The following AFF3 variants were observed in gnomAD, a reference collection of about 807,000 sequenced individuals.
The protein encoded by AFF3 is ALF transcription elongation factor 3, also known as AF4/FMR2 family member 3.
AFF3 carries 32 observed loss-of-function variants against 129.7 expected under a neutral mutation model. The ratio of observed to expected loss-of-function variants is 0.25; its 90% confidence interval spans 0.19 to 0.33. The LOEUF is 0.33. AFF3 is among the 10% of genes least tolerant of loss of function. The probability of loss-of-function intolerance (pLI) is 1.00; values close to 1 mark genes in which losing one functional copy is unlikely to be tolerated. For synonymous variants in AFF3, 644 were observed against 635.4 expected, an observed-to-expected ratio of 1.01 and a Z score of -0.20; for missense variants, 1,373 against 1,592.0, an observed-to-expected ratio of 0.86 and a Z score of 2.34.
intron 7 of AFF3, among the ~76,000 whole-genome samples, chr2:99,879,313 C>A (rs1692523884): frequency 6.6e-6 from 1 of 152,180 alleles, no homozygotes; most frequent in African/African-American, 2.4e-5. Context: ...CATAGTATCA[C>A]ATCCATCTTC....
At chr2:99,863,948 A>G (rs547025149) in intron 7 of AFF3, among the ~76,000 whole-genome samples, 11 of 152,364 alleles carry the variant, frequency 7.2e-5, no homozygotes, top group African/African-American at 2.6e-4. Context: ...AGCCATCAGA[A>G]TATCAGGAAA....
intron 24 of AFF3, among the ~76,000 whole-genome samples, chr2:99,553,894 A>G (rs925788971): frequency 6.8e-6 from 1 of 147,114 alleles, no homozygotes; most frequent in Non-Finnish European, 1.5e-5. Flanking sequence ...CAGCCTGGCA[A>G]CAGAGCAAGA....
intron 2 of AFF3, among the ~76,000 whole-genome samples, chr2:100,119,333 A>G (rs1174413724): frequency 6.6e-6 from 1 of 152,144 alleles, no homozygotes; most frequent in African/African-American, 2.4e-5. Context: ...CCTGTTTTAC[A>G]TGTCTAGAGA....
chr2:99,612,215 A>G (rs986940022), intron 13 of AFF3, among the ~76,000 whole-genome samples: 1 of 152,182 alleles, frequency 6.6e-6, no homozygotes, highest in African/African-American at 2.4e-5. Context: ...ACAGGCAACC[A>G]CCCACTTGGT....
chr2:99,551,295 C>T lies in AFF3; in HGVS notation c.*179G>A. The T allele has an allele frequency of 2.4e-6, 2 of 818,300 alleles. No homozygotes were observed. Among genetic ancestry groups the T allele is most frequent in the South Asian group, 1.8e-5 (1 of 54,646 alleles). The allele number at this position is 818,300 out of a possible 1,614,324, so 50.7% of individuals were successfully genotyped here. A position where few individuals can be genotyped will look rare whatever the true frequency, so the allele number is the denominator to read the frequency against. On this transcript the variant is annotated 3_prime_UTR_variant, in exon 25 of 25. Transcript: ENST00000672756. ...GTATCTTACACACATACACAGGCGG[C>T]TTCTTATATACCCACACATACAAAC...
chr2:99,811,262 T>C (rs900510105), intron 8 of AFF3, among the ~76,000 whole-genome samples: 1 of 152,220 alleles, frequency 6.6e-6, no homozygotes. Flanking sequence ...GTGATAAGTA[T>C]GTAAAATATT....
At chr2:100,076,617 C>T (rs1458223703) in intron 4 of AFF3, among the ~76,000 whole-genome samples, 5 of 152,178 alleles carry the variant, frequency 3.3e-5, no homozygotes, top group Admixed American at 3.3e-4. Flanking sequence ...TCTGAGGACA[C>T]TGAGGTTGAC....
At chr2:99,750,214 T>C (rs1471575314) in intron 9 of AFF3, among the ~76,000 whole-genome samples, 1 of 152,030 alleles carries the variant, frequency 6.6e-6, no homozygotes, top group Admixed American at 6.6e-5. Context: ...TACAAATTAG[T>C]TTTTAAAAAG....
Position 99,567,539 on chromosome 2 carries a change from G to T in AFF3, c.2982+1313C>A, listed in dbSNP as rs560023338. Among the ~76,000 whole-genome samples, 20 of 152,278 alleles carry T rather than the reference G, an allele frequency of 1.3e-4. No homozygotes were observed. In the South Asian group the frequency reaches 3.3e-3, roughly 25 times the overall value. The stretch of plus-strand genomic sequence containing the variant: ...AGGAAAGTGAGCTAGTGATGGGGCC[G>T]CAGAGAGGCTGGGAAGGCCACAGGG... On this transcript the variant is annotated intron_variant, in intron 19 of 24. Coordinates refer to ENST00000672756, the MANE Select transcript of AFF3 (RefSeq NM_001386135.1).
intron 12 of AFF3, among the ~76,000 whole-genome samples, chr2:99,649,912 CG>C (rs201297787): frequency 0.035 from 5,326 of 152,114 alleles, 114 homozygotes; most frequent in Non-Finnish European, 0.043. Flanking sequence ...ATGAGTTTGT[CG>C]GGGGGGCAAA....
intron 12 of AFF3, among the ~76,000 whole-genome samples, chr2:99,659,139 A>T (rs1251965112): frequency 2.6e-5 from 4 of 152,348 alleles, no homozygotes; most frequent in East Asian, 3.9e-4. Flanking sequence ...AGGAGCGAAC[A>T]TCGCTGAAGA....
intron 7 of AFF3, among the ~76,000 whole-genome samples, chr2:99,845,932 A>T (rs1011047268): frequency 6.6e-6 from 1 of 152,072 alleles, no homozygotes; most frequent in Admixed American, 6.5e-5. Context: ...TCCTGGGTTC[A>T]CACCATTCTC....
At chr2:100,055,980 T>C (rs1391283964) in intron 4 of AFF3, among the ~76,000 whole-genome samples, 1 of 149,830 alleles carries the variant, frequency 6.7e-6, no homozygotes, top group Non-Finnish European at 1.5e-5. Flanking sequence ...AAGGTTACAA[T>C]GAGCTATGAT....
At position 99,587,202 on chromosome 2, in the gene AFF3, G is replaced by A. The variant is rs1320861166; in HGVS notation, c.2543C>T (p.Ser848Phe). The A allele has an allele frequency of 6.2e-7, 1 of 1,614,192 alleles. No homozygotes were observed. The highest frequency in any genetic ancestry group is 8.5e-7 in the Non-Finnish European group (1 of 1,180,036). ...EKDSSSRLAT[S>F]TSNTLSANHC... ...GTTTGCAGACAAAGTATTACTGGTG[G>A]AGGTGGCCAGTCTTGAAGAGCTGTC... The change falls in exon 16 of 25, where the codon TCC becomes TTC. Residue 848 changes from serine to phenylalanine, a missense_variant. Physicochemically the swap from Ser to Phe is radical, Grantham distance 155. Transcript: ENST00000672756.
intron 10 of AFF3, among the ~76,000 whole-genome samples, chr2:99,738,704 T>C (rs1383923814): frequency 6.6e-6 from 1 of 152,116 alleles, no homozygotes; most frequent in Non-Finnish European, 1.5e-5. Context: ...CTATCCTTTG[T>C]AGGGAAGAGC....
chr2:100,009,083 C>G, intron 4 of AFF3, 151 bp from the exon 5 acceptor site: 1 of 1,095,640 alleles, frequency 9.1e-7, no homozygotes, highest in Admixed American at 2.7e-5. Flanking sequence ...AGTCATCAGG[C>G]AGTGTGCTGG....
At chr2:100,103,425 T>G (rs1250155961) in intron 4 of AFF3, among the ~76,000 whole-genome samples, 1 of 149,722 alleles carries the variant, frequency 6.7e-6, no homozygotes, top group East Asian at 2.0e-4. Context: ...CCCGTAAATA[T>G]TAAACATAAC....
intron 11 of AFF3, among the ~76,000 whole-genome samples, chr2:99,679,915 G>C (rs958793682): frequency 6.6e-6 from 1 of 152,200 alleles, no homozygotes; most frequent in African/African-American, 2.4e-5. Context: ...AGAATGAGAT[G>C]ATCTGATACT....
intron 7 of AFF3, among the ~76,000 whole-genome samples, chr2:99,939,455 C>A (rs1674826500): frequency 6.6e-6 from 1 of 152,130 alleles, no homozygotes; most frequent in African/African-American, 2.4e-5. Context: ...GAGAAAAGGG[C>A]CCTGGTGAGT....
Sources: allele counts gnomAD v4.1 joint callset (sites outside exome capture counted in the v4.1 genomes callset), GRCh38; gene constraint gnomAD v4.1.1; transcripts MANE v1.5; gene names NCBI Gene and HGNC (gene_info 2026-07-23, HGNC 2026-07-21).